The following PPFIA2 variants were observed in gnomAD, a reference collection of about 807,000 sequenced individuals.
PPFIA2 encodes the protein liprin-alpha-2.
In PPFIA2, 46 loss-of-function variants were observed where a neutral mutation model predicts 175.5. The ratio of observed to expected loss-of-function variants is 0.26; its 90% CI spans 0.21 to 0.34. The LOEUF (loss-of-function observed/expected upper bound fraction) is 0.34. Among genes scored for constraint, PPFIA2 ranks in the 10% least tolerant of loss-of-function variants. PPFIA2 has a pLI of 1.00. For missense variants in PPFIA2, 1,179 were observed against 1,506.1 expected (o/e 0.78, Z 3.60); for synonymous variants, 568 against 511.4 (o/e 1.11, Z -1.49).
At chr12:81,469,852 C>T (rs2056424443) in intron 4 of PPFIA2, among the ~76,000 whole-genome samples, 1 of 152,106 alleles carries the variant, frequency 6.6e-6, no homozygotes, top group African/African-American at 2.4e-5. Flanking sequence ...GTGTAGTGCT[C>T]TCCAGCTGGG....
chr12:81,743,032 C>T (rs767680188), intron 3 of PPFIA2, among the ~76,000 whole-genome samples: 1 of 152,114 alleles, frequency 6.6e-6, no homozygotes, highest in African/African-American at 2.4e-5. Flanking sequence ...AAATCCACTC[C>T]ACTCAGGGTG....
intron 4 of PPFIA2, among the ~76,000 whole-genome samples, chr12:81,667,191 A>C (rs946399027): frequency 1.3e-5 from 2 of 152,010 alleles, no homozygotes; most frequent in Non-Finnish European, 2.9e-5. Context: ...ACTTTCCACT[A>C]TATCTTCCCC....
chr12:81,422,070 GTGTGTGTATATATATGTGTATATATA>G (rs1218748853), intron 7 of PPFIA2, among the ~76,000 whole-genome samples: 1,494 of 144,168 alleles, frequency 0.01, 45 homozygotes, highest in African/African-American at 0.03. Flanking sequence ...ATATACGTGT[GTGTGTGTATATATATGTGTATATATA>G]TGTGTGTATA....
chr12:81,703,432 G>C (rs569615479), intron 3 of PPFIA2, among the ~76,000 whole-genome samples: 1 of 151,904 alleles, frequency 6.6e-6, no homozygotes, highest in Non-Finnish European at 1.5e-5. Flanking sequence ...CCCTTAAGTA[G>C]TCCTATCAAT....
At chr12:81,633,422 T>C (rs1334788575) in intron 4 of PPFIA2, among the ~76,000 whole-genome samples, 3 of 152,022 alleles carry the variant, frequency 2.0e-5, no homozygotes, top group Non-Finnish European at 4.4e-5. Flanking sequence ...CACCATTTAG[T>C]TGCTGGCAAT....
chr12:81,699,073 T>C (rs1189882200), intron 3 of PPFIA2, among the ~76,000 whole-genome samples: 1 of 152,024 alleles, frequency 6.6e-6, no homozygotes, highest in Non-Finnish European at 1.5e-5. Flanking sequence ...CATGCATCTA[T>C]TATAAAACCA....
chr12:81,540,649 T>C (rs886192525), intron 4 of PPFIA2, among the ~76,000 whole-genome samples: 5 of 152,038 alleles, frequency 3.3e-5, no homozygotes, highest in Non-Finnish European at 2.9e-5. Flanking sequence ...ATATATATAG[T>C]CTTGATATAC....
At chr12:81,540,064 CAG>C (rs566794056) in intron 4 of PPFIA2, among the ~76,000 whole-genome samples, 2 of 151,082 alleles carry the variant, frequency 1.3e-5, no homozygotes, top group Non-Finnish European at 1.5e-5. Flanking sequence ...AGAGAGGAGA[CAG>C]AGAGAGAGAG....
At chr12:81,440,079 T>C in intron 6 of PPFIA2, 33 bp from the exon 7 acceptor site, 5 of 1,410,796 alleles carry the variant, frequency 3.5e-6, no homozygotes, top group Non-Finnish European at 4.9e-6. Context: ...TGCAGTAATG[T>C]ACATCCCATA....
intron 3 of PPFIA2, among the ~76,000 whole-genome samples, chr12:81,690,059 G>T (rs571268106): frequency 6.6e-6 from 1 of 152,152 alleles, no homozygotes; most frequent in South Asian, 2.1e-4. Flanking sequence ...GGTATGTACT[G>T]GTTTCAGTAA....
intron 8 of PPFIA2, 42 bp from the exon 9 acceptor site, chr12:81,384,286 C>A (rs977830671): frequency 7.1e-6 from 9 of 1,263,424 alleles, no homozygotes; most frequent in African/African-American, 3.1e-5. Flanking sequence ...GAATTTTCAT[C>A]TTTAATTTAA....
At chr12:81,472,765 A>G (rs562063356) in intron 4 of PPFIA2, 2 of 152,252 alleles carry the variant, frequency 1.3e-5, no homozygotes, top group East Asian at 3.9e-4. Context: ...AACAAAACAG[A>G]ACAAAAAAAA....
At chr12:81,496,659 A>T (rs1414538665) in intron 4 of PPFIA2, among the ~76,000 whole-genome samples, 1 of 152,242 alleles carries the variant, frequency 6.6e-6, no homozygotes, top group Non-Finnish European at 1.5e-5. Flanking sequence ...TGTCAGCTTT[A>T]ATATACAAGA....
chr12:81,515,487 T>C (rs1440686635), intron 4 of PPFIA2, among the ~76,000 whole-genome samples: 3 of 152,086 alleles, frequency 2.0e-5, no homozygotes, highest in African/African-American at 7.2e-5. Flanking sequence ...GCTACAATTA[T>C]TTTAGCTTTA....
chr12:81,722,920 A>G (rs1337252595), intron 3 of PPFIA2, among the ~76,000 whole-genome samples: 4 of 151,116 alleles, frequency 2.6e-5, no homozygotes, highest in Non-Finnish European at 4.5e-5. Flanking sequence ...TGCATTTTGC[A>G]AAGTATAAAA....
chr12:81,346,624 T>C (rs1319896236), intron 18 of PPFIA2, among the ~76,000 whole-genome samples: 1 of 151,276 alleles, frequency 6.6e-6, no homozygotes, highest in African/African-American at 2.4e-5. Flanking sequence ...ATCCCAAATA[T>C]AAAGATAAAT....
At chr12:81,426,331 T>C (rs1175945740) in intron 7 of PPFIA2, among the ~76,000 whole-genome samples, 1 of 152,152 alleles carries the variant, frequency 6.6e-6, no homozygotes, top group African/African-American at 2.4e-5. Flanking sequence ...CTTTGGCTGA[T>C]TTTGATCTGT....
At chr12:81,650,993 A>G (rs2066939834) in intron 4 of PPFIA2, among the ~76,000 whole-genome samples, 2 of 152,212 alleles carry the variant, frequency 1.3e-5, no homozygotes, top group Admixed American at 6.5e-5. Flanking sequence ...TATTACAGAT[A>G]CAGATATAAT....
chr12:81,318,683 T>C (rs987100919), intron 22 of PPFIA2, among the ~76,000 whole-genome samples: 1 of 151,800 alleles, frequency 6.6e-6, no homozygotes, highest in Non-Finnish European at 1.5e-5. Context: ...CATCAATTCA[T>C]TTGTGAAGCC....
Sources: gnomAD v4.1 joint callset for allele counts (sites outside exome capture counted in the v4.1 genomes callset) on GRCh38, gnomAD v4.1.1 for gene constraint, MANE v1.5 for transcripts, NCBI Gene and HGNC (gene_info 2026-07-23, HGNC 2026-07-21) for gene names.